Variants in AOPEP observed in about 807,000 individuals in gnomAD.
AOPEP encodes aminopeptidase O.
Under a neutral mutation model 98.1 loss-of-function variants are expected in AOPEP, and 77 were observed. The ratio of observed to expected loss-of-function variants is 0.78; its 90% CI spans 0.65 to 0.95. The LOEUF (loss-of-function observed/expected upper bound fraction) is 0.95. Among genes scored for constraint, AOPEP ranks in the 40% least tolerant of loss-of-function variants. The pLI, the probability that AOPEP is intolerant of heterozygous loss-of-function variation, is 0.00. For synonymous variants in AOPEP, 346 were observed against 365.3 expected (o/e 0.95, Z 0.60); for missense variants, 1,024 against 1,024.7 (o/e 1.00, Z 0.01).
At chr9:95,014,092 G>A (rs1009380962) in intron 13 of AOPEP, among the ~76,000 whole-genome samples, 1 of 152,140 alleles carries the variant, frequency 6.6e-6, no homozygotes, top group Non-Finnish European at 1.5e-5. Flanking sequence ...TTACTATCTT[G>A]TTATCCTTTA....
the AOPEP span, chr9:95,109,759 T>TTAAG: frequency 6.6e-6 from 1 of 152,258 alleles, no homozygotes; most frequent in East Asian, 1.9e-4. Flanking sequence ...TTGTGCCTTT[T>TTAAG]TAAGTAAATG....
chr9:94,973,153 T>G (rs1488473811), intron 10 of AOPEP, among the ~76,000 whole-genome samples: 1 of 152,208 alleles, frequency 6.6e-6, no homozygotes, highest in African/African-American at 2.4e-5. Flanking sequence ...AGTCTGTCAT[T>G]TAGTTCATGT....
At chr9:95,023,673 A>G (rs1564537526) in intron 13 of AOPEP, among the ~76,000 whole-genome samples, 1 of 152,142 alleles carries the variant, frequency 6.6e-6, no homozygotes, top group Admixed American at 6.5e-5. Flanking sequence ...TTCAACAACA[A>G]GTGTTGAGAT....
intron 1 of AOPEP, among the ~76,000 whole-genome samples, chr9:94,756,616 A>G (rs942889335): frequency 1.3e-5 from 2 of 151,972 alleles, no homozygotes; most frequent in Non-Finnish European, 2.9e-5. Flanking sequence ...TTGAGAGAAC[A>G]CTTCTTCCCC....
intron 5 of AOPEP, among the ~76,000 whole-genome samples, chr9:94,892,318 C>T (rs1236826231): frequency 6.6e-6 from 1 of 152,184 alleles, no homozygotes; most frequent in Admixed American, 6.5e-5. Flanking sequence ...TATTTTCCCA[C>T]AGAACCCTGA....
At chr9:94,814,091 G>A (rs1851207314) in intron 5 of AOPEP, among the ~76,000 whole-genome samples, 1 of 152,226 alleles carries the variant, frequency 6.6e-6, no homozygotes, top group African/African-American at 2.4e-5. Context: ...ATGTAGCAAG[G>A]TAGTCTGTTG....
At chr9:94,846,396 A>G (rs1205667910) in intron 5 of AOPEP, among the ~76,000 whole-genome samples, 1 of 152,170 alleles carries the variant, frequency 6.6e-6, no homozygotes, top group Non-Finnish European at 1.5e-5. Context: ...CAATTGTGAT[A>G]GAATATTGGG....
At chr9:95,141,311 C>CAA in the AOPEP span, among the ~76,000 whole-genome samples, 16 of 54,880 alleles carry the variant, frequency 2.9e-4, no homozygotes, top group Admixed American at 6.4e-4. Flanking sequence ...GACCCTGTCT[C>CAA]AAAAAAAAAA....
intron 1 of AOPEP, among the ~76,000 whole-genome samples, chr9:94,742,882 A>G (rs1833480596): frequency 6.6e-6 from 1 of 152,162 alleles, no homozygotes; most frequent in Admixed American, 6.5e-5. Context: ...GGGAAAAATA[A>G]CCGCAGATTG....
At chr9:94,871,128 T>C (rs1428687955) in intron 5 of AOPEP, among the ~76,000 whole-genome samples, 1 of 152,236 alleles carries the variant, frequency 6.6e-6, no homozygotes, top group Admixed American at 6.5e-5. Flanking sequence ...TGCCCCACCC[T>C]GACACCATAT....
chr9:94,913,928 C>G (rs1203873615), intron 5 of AOPEP, among the ~76,000 whole-genome samples: 1 of 152,170 alleles, frequency 6.6e-6, no homozygotes, highest in Non-Finnish European at 1.5e-5. Flanking sequence ...TAATTTCACC[C>G]TTAGTAATAT....
intron 5 of AOPEP, among the ~76,000 whole-genome samples, chr9:94,893,794 A>G (rs1282700118): frequency 2.0e-5 from 3 of 152,216 alleles, no homozygotes; most frequent in Admixed American, 6.5e-5. Context: ...TAATACAGAA[A>G]TAACATTATT....
chr9:94,936,314 C>T (rs549271760), intron 7 of AOPEP, among the ~76,000 whole-genome samples: 30 of 152,238 alleles, frequency 2.0e-4, no homozygotes, highest in African/African-American at 7.0e-4. Context: ...CATCTCTTGT[C>T]GTTCTTTGCT....
At chr9:94,828,354 G>T (rs1385152235) in intron 5 of AOPEP, among the ~76,000 whole-genome samples, 4 of 151,712 alleles carry the variant, frequency 2.6e-5, no homozygotes, top group Non-Finnish European at 5.9e-5. Flanking sequence ...TATGATTTTA[G>T]CTCTTATATT....
At chr9:95,103,434 G>C in the AOPEP span, among the ~76,000 whole-genome samples, 1 of 152,188 alleles carries the variant, frequency 6.6e-6, no homozygotes. Flanking sequence ...GCTAACTTTT[G>C]CTGTTGTTGC....
At chr9:94,979,335 A>G (rs762953275) in intron 10 of AOPEP, 32 bp from the exon 11 acceptor site, 1 of 1,499,838 alleles carries the variant, frequency 6.7e-7, no homozygotes, top group South Asian at 1.2e-5. Flanking sequence ...TAACTTTTTA[A>G]TCCTTTACTT....
rs142297044 is a variant in AOPEP at position 95,036,702 on chromosome 9, C to CTTCTTTTTTT, written c.2116-23990_2116-23989insCTTTTTTTTT. Among the ~76,000 whole-genome samples, 11 of 135,810 alleles carry CTTCTTTTTTT rather than the reference C, an allele frequency of 8.1e-5. 1 individual carries two copies. The highest frequency in any genetic ancestry group is 1.1e-4 in the Non-Finnish European group (7 of 64,226). 89.1% of individuals were successfully genotyped at this position (135,810 alleles called of 152,430 possible). ...TTTCTTGTTCTTCTTTCTTCTTCTT[C>CTTCTTTTTTT]TTTTTTTTTTGTGGGGAATAAAACT... On this transcript the variant is annotated intron_variant, in intron 13 of 16. Coordinates refer to ENST00000375315, the MANE Select transcript of AOPEP (RefSeq NM_001193329.3).
At chr9:94,996,654 A>G (rs2061263664) in intron 11 of AOPEP, among the ~76,000 whole-genome samples, 1 of 152,206 alleles carries the variant, frequency 6.6e-6, no homozygotes, top group African/African-American at 2.4e-5. Context: ...ATAACGGGAA[A>G]GTACCTAGAC....
At chr9:95,089,392 T>C (rs888662096), downstream of AOPEP, among the ~76,000 whole-genome samples, 4 of 152,140 alleles carry the variant, frequency 2.6e-5, no homozygotes, top group African/African-American at 9.7e-5. Flanking sequence ...CGGGACATAG[T>C]AGTTTTGGAT....
Sources: gnomAD v4.1 joint callset for allele counts (sites outside exome capture counted in the v4.1 genomes callset) on GRCh38, gnomAD v4.1.1 for gene constraint, MANE v1.5 for transcripts, NCBI Gene and HGNC (gene_info 2026-07-23, HGNC 2026-07-21) for gene names.